Variants in SLC7A14 observed in about 807,000 individuals in gnomAD.
The protein encoded by SLC7A14 is solute carrier family 7 member 14.
Under a neutral mutation model 60.2 loss-of-function variants are expected in SLC7A14, and 37 were observed. The observed-to-expected ratio is 0.61, with a 90% CI of 0.47 to 0.81. SLC7A14 has a LOEUF of 0.81. Ranked by LOEUF, SLC7A14 falls within the 30% of genes least tolerant of loss-of-function variation. SLC7A14 has a pLI of 0.00. For synonymous variants in SLC7A14, 399 were observed against 395.8 expected, an observed-to-expected ratio of 1.01 and a Z score of -0.10; for missense variants, 886 against 982.7, an observed-to-expected ratio of 0.90 and a Z score of 1.32.
chr3:170,555,047 A>G (rs1714450636), intron 1 of SLC7A14, among the ~76,000 whole-genome samples: 2 of 152,016 alleles, frequency 1.3e-5, no homozygotes, highest in Non-Finnish European at 2.9e-5. Flanking sequence ...GCACACCTGT[A>G]ATCCCAGTTA....
chr3:170,556,117 C>A (rs1368095229), intron 1 of SLC7A14, among the ~76,000 whole-genome samples: 3 of 152,204 alleles, frequency 2.0e-5, no homozygotes, highest in Admixed American at 2.0e-4. Context: ...CCTCCCTGGG[C>A]TTCAGTTTCT....
rs146635817 is a variant in SLC7A14 at position 170,481,037 on chromosome 3, C to T, written c.1245G>A (p.Thr415=). ...RDLIEMMSIG[T]LLAYTLVSVC... is the part of the protein sequence containing the mutation. ...CAGAGACCAAGGTGTAGGCCAGGAG[C>T]GTGCCGATAGACATCATCTCTATCA... is the stretch of plus-strand genomic sequence containing the variant. Residue 415 remains threonine, a synonymous_variant, in exon 7 of 8, where the codon ACG becomes ACA. Coordinates refer to ENST00000231706, the MANE Select transcript of SLC7A14 (RefSeq NM_020949.3). 3.8e-5 allele frequency: 61 copies of T among 1,614,026 alleles called. No individual in the cohort carries two copies. In the African/African-American group the frequency reaches 4.5e-4, roughly 12 times the overall value.
At chr3:170,496,329 C>G in intron 4 of SLC7A14, 1 of 1,073,228 alleles carries the variant, frequency 9.3e-7, no homozygotes, top group East Asian at 2.4e-5. Flanking sequence ...CGGGGATGAC[C>G]TGCGGTGTAC....
chr3:170,579,839 A>G (rs938448349), intron 1 of SLC7A14, among the ~76,000 whole-genome samples: 2 of 152,230 alleles, frequency 1.3e-5, no homozygotes, highest in Admixed American at 1.3e-4. Context: ...AAAAGAACAC[A>G]CAACTCCATT....
At chr3:170,533,881 A>G (rs1713757857) in intron 1 of SLC7A14, among the ~76,000 whole-genome samples, 1 of 152,166 alleles carries the variant, frequency 6.6e-6, no homozygotes, top group Admixed American at 6.5e-5. Context: ...ATTACCTACC[A>G]TATTATTTAA....
chr3:170,572,165 A>G (rs1189489784), intron 1 of SLC7A14, among the ~76,000 whole-genome samples: 3 of 152,226 alleles, frequency 2.0e-5, no homozygotes, highest in East Asian at 3.8e-4. Flanking sequence ...TGCTAAGGCA[A>G]TGAAGATAGA....
At chr3:170,524,789 C>T (rs748344783) in intron 2 of SLC7A14, among the ~76,000 whole-genome samples, 1 of 152,174 alleles carries the variant, frequency 6.6e-6, no homozygotes, top group African/African-American at 2.4e-5. Flanking sequence ...GAAAACTCCT[C>T]AATTCTGAAG....
intron 4 of SLC7A14, among the ~76,000 whole-genome samples, chr3:170,488,243 CTAA>C (rs1712099192): frequency 1.3e-5 from 2 of 152,150 alleles, no homozygotes; most frequent in Admixed American, 6.5e-5. Flanking sequence ...CTGGTCTATT[CTAA>C]TAAGTCAGGT....
intron 7 of SLC7A14, among the ~76,000 whole-genome samples, chr3:170,472,924 G>A (rs1432561648): frequency 2.6e-5 from 4 of 152,108 alleles, no homozygotes; most frequent in Non-Finnish European, 5.9e-5. Context: ...AATTGAATGG[G>A]CTTTCTTTAT....
At chr3:170,486,617 T>C (rs1712041008) in intron 4 of SLC7A14, among the ~76,000 whole-genome samples, 1 of 152,136 alleles carries the variant, frequency 6.6e-6, no homozygotes, top group South Asian at 2.1e-4. Flanking sequence ...CTCATGCCTG[T>C]AATCACAGCA....
intron 1 of SLC7A14, among the ~76,000 whole-genome samples, chr3:170,553,896 T>A (rs1171375243): frequency 6.6e-6 from 1 of 152,186 alleles, no homozygotes; most frequent in East Asian, 1.9e-4. Context: ...TATCTTTTTT[T>A]TCTCTTTCCA....
At position 170,494,953 on chromosome 3, in the gene SLC7A14, C is replaced by A. The variant is rs565460108; in HGVS notation, c.759+3714G>T. Reference sequence around the variant, plus strand: ...CACAGATCTGGGCAGAAACCCCAGCCCCAGAGCTGACTAAGTGAGGTCAGG... The same window carrying A: ...CACAGATCTGGGCAGAAACCCCAGCACCAGAGCTGACTAAGTGAGGTCAGG... On this transcript the variant is annotated intron_variant, in intron 4 of 7. Coordinates refer to ENST00000231706, the MANE Select transcript of SLC7A14 (RefSeq NM_020949.3). Among the ~76,000 whole-genome samples, 26 of 152,318 alleles carry A rather than the reference C, an allele frequency of 1.7e-4. No homozygotes were observed. The East Asian group carries it at 4.2e-3, about 25-fold the overall frequency.
At chr3:170,471,353 A>C (rs909903417) in intron 7 of SLC7A14, among the ~76,000 whole-genome samples, 1 of 152,174 alleles carries the variant, frequency 6.6e-6, no homozygotes, top group Non-Finnish European at 1.5e-5. Context: ...AAGTGGAGTG[A>C]ATAGGATCAT....
rs964073951 is a variant in SLC7A14, at chr3:170,462,550, A to G, written c.*4505T>C. 1 of 152,164 alleles carries G rather than the reference A, an allele frequency of 6.6e-6. No individual in the cohort carries two copies. Among genetic ancestry groups the G allele is most frequent in the East Asian group, 1.9e-4 (1 of 5,192 alleles). 9.4% of individuals were successfully genotyped at this position (152,164 alleles called of 1,614,324 possible). ...TTTAAACAGATTTATCATGACCATT[A>G]TGTAGGCATTTGATTAGCTACTAGT... On this transcript the variant is annotated 3_prime_UTR_variant, in exon 8 of 8. Coordinates refer to ENST00000231706, the MANE Select transcript of SLC7A14 (RefSeq NM_020949.3).
At chr3:170,577,059 GA>G (rs1175496975) in intron 1 of SLC7A14, among the ~76,000 whole-genome samples, 1 of 152,214 alleles carries the variant, frequency 6.6e-6, no homozygotes, top group Non-Finnish European at 1.5e-5. Flanking sequence ...TTCTGGCTGG[GA>G]AAGACTGAAA....
intron 4 of SLC7A14, chr3:170,496,260 G>A: frequency 1.0e-6 from 1 of 957,944 alleles, no homozygotes; most frequent in South Asian, 1.3e-5. Flanking sequence ...CAGCTGGGCT[G>A]AGGCTGAGAG....
intron 1 of SLC7A14, among the ~76,000 whole-genome samples, chr3:170,561,776 A>G (rs1291919131): frequency 6.6e-6 from 1 of 152,142 alleles, no homozygotes; most frequent in African/African-American, 2.4e-5. Flanking sequence ...TCTACAACAA[A>G]CTCAAACAAA....
At chr3:170,581,224 G>A (rs1715224658) in intron 1 of SLC7A14, among the ~76,000 whole-genome samples, 1 of 152,096 alleles carries the variant, frequency 6.6e-6, no homozygotes, top group Admixed American at 6.5e-5. Context: ...ATTGATCTAT[G>A]AGAATGGATA....
rs960328874 is a variant in SLC7A14, at chr3:170,464,240, G to A, written c.*2815C>T. The stretch of plus-strand genomic sequence containing the variant: ...AAATCTGAAGAAAATCAAGTAATTG[G>A]CTCCAAACCACAAATCCACACAATG... On this transcript the variant is annotated 3_prime_UTR_variant, in exon 8 of 8. Transcript: ENST00000231706. The A allele has an allele frequency of 2.4e-4, 36 of 152,056 alleles. No individual in the cohort carries two copies. Among genetic ancestry groups the A allele is most frequent in the Non-Finnish European group, 4.0e-4 (27 of 67,996 alleles). 9.4% of individuals were successfully genotyped at this position (152,056 alleles called of 1,614,324 possible).
Sources: allele counts gnomAD v4.1 joint callset (sites outside exome capture counted in the v4.1 genomes callset), GRCh38; gene constraint gnomAD v4.1.1; transcripts MANE v1.5; gene names NCBI Gene and HGNC (gene_info 2026-07-23, HGNC 2026-07-21).